TUBGCP3: variants seen among roughly 807,000 people sequenced by gnomAD.
TUBGCP3 encodes tubulin gamma complex component 3.
In TUBGCP3, 50 loss-of-function variants were observed where a neutral mutation model predicts 123.1. The ratio of observed to expected loss-of-function variants is 0.41; its 90% confidence interval spans 0.32 to 0.51. The LOEUF (loss-of-function observed/expected upper bound fraction) is 0.51, where lower values mean the gene tolerates loss of function less well. TUBGCP3 is among the 20% of genes least tolerant of loss of function. The probability of loss-of-function intolerance (pLI) is 0.36; values close to 1 mark genes in which losing one functional copy is unlikely to be tolerated. For synonymous variants in TUBGCP3, 405 were observed against 413.9 expected, an observed-to-expected ratio of 0.98 and a Z score of 0.26; for missense variants, 882 against 1,127.0, an observed-to-expected ratio of 0.78 and a Z score of 3.11.
intron 5 of TUBGCP3, among the ~76,000 whole-genome samples, chr13:112,557,002 G>C (rs989348612): frequency 5.3e-5 from 8 of 151,900 alleles, no homozygotes; most frequent in African/African-American, 1.9e-4. Context: ...ATACTGGGGG[G>C]GTTTATCCAT....
the TUBGCP3 span, among the ~76,000 whole-genome samples, chr13:112,598,945 CAAA>C: frequency 2.8e-5 from 2 of 71,610 alleles, no homozygotes; most frequent in African/African-American, 6.0e-5. Flanking sequence ...GACTCCGTCT[CAAA>C]AAAAAAAAAA....
chr13:112,534,495 C>G (rs1305753758), intron 11 of TUBGCP3, among the ~76,000 whole-genome samples: 1 of 152,044 alleles, frequency 6.6e-6, no homozygotes, highest in Non-Finnish European at 1.5e-5. Flanking sequence ...TGCAGTGAGT[C>G]GAGATCGCAC....
At chr13:112,537,096 A>T in intron 11 of TUBGCP3, among the ~76,000 whole-genome samples, 2 of 140,490 alleles carry the variant, frequency 1.4e-5, no homozygotes, top group East Asian at 2.1e-4. Flanking sequence ...TTCTTTTCCA[A>T]TCTGGCTATC....
rs563261746 is a variant in TUBGCP3 at position 112,502,636 on chromosome 13, C to T, written c.2307+1396G>A. ...TCTTGGCTCACTGCAAGCTCCGCCT[C>T]CCGGGTTCACGCCATTCTCCTGCCT... On this transcript the variant is annotated intron_variant, in intron 19 of 21. Transcript: ENST00000261965. Among the ~76,000 whole-genome samples, 3 of 150,860 alleles carry T rather than the reference C, an allele frequency of 2.0e-5. No individual in the cohort carries two copies. The East Asian group carries it at 5.9e-4, about 29-fold the overall frequency.
chr13:112,581,274 G>A (rs1048587063), intron 1 of TUBGCP3, among the ~76,000 whole-genome samples: 6 of 152,218 alleles, frequency 3.9e-5, no homozygotes, highest in Non-Finnish European at 8.8e-5. Context: ...TGCCTGCATA[G>A]TGGGGAAAGG....
chr13:112,526,032 T>C (rs1371681926), intron 13 of TUBGCP3, among the ~76,000 whole-genome samples: 1 of 152,130 alleles, frequency 6.6e-6, no homozygotes, highest in Non-Finnish European at 1.5e-5. Context: ...ATCTGTAATA[T>C]CAGCACATCA....
At chr13:112,505,823 T>C (rs1881261598) in intron 17 of TUBGCP3, among the ~76,000 whole-genome samples, 1 of 152,174 alleles carries the variant, frequency 6.6e-6, no homozygotes, top group Non-Finnish European at 1.5e-5. Flanking sequence ...AGCATCGCCA[T>C]CCGACCCTGG....
chr13:112,506,354 A>G (rs1176428979), intron 17 of TUBGCP3, among the ~76,000 whole-genome samples: 2 of 152,220 alleles, frequency 1.3e-5, no homozygotes, highest in African/African-American at 4.8e-5. Flanking sequence ...AATGGCTATG[A>G]CTGATGTATC....
intron 20 of TUBGCP3, among the ~76,000 whole-genome samples, chr13:112,495,152 G>C (rs1338221592): frequency 6.6e-6 from 1 of 152,162 alleles, no homozygotes; most frequent in Admixed American, 6.5e-5. Context: ...CAATGTCCTA[G>C]AGTTTCCCCC....
intron 11 of TUBGCP3, among the ~76,000 whole-genome samples, chr13:112,544,177 GGC>G (rs1878761098): frequency 2.0e-5 from 3 of 152,320 alleles, no homozygotes; most frequent in Admixed American, 6.5e-5. Flanking sequence ...CCACAGGCCG[GGC>G]GCAGTGGCTC....
intron 17 of TUBGCP3, among the ~76,000 whole-genome samples, chr13:112,505,020 G>A (rs1881197795): frequency 6.6e-6 from 1 of 152,104 alleles, no homozygotes. Context: ...TAATAACGCA[G>A]TGCACTGAAT....
At chr13:112,592,480 G>A (rs893395398), upstream of TUBGCP3, among the ~76,000 whole-genome samples, 1 of 152,160 alleles carries the variant, frequency 6.6e-6, no homozygotes, top group Non-Finnish European at 1.5e-5. This position sits in a 1 kb window ranked among gnomAD's most constrained non-coding sequence, Gnocchi z 4.1. Flanking sequence ...CACGGCACTG[G>A]GTGAAGGTTA....
intron 13 of TUBGCP3, among the ~76,000 whole-genome samples, chr13:112,525,838 C>G (rs1438711446): frequency 5.9e-5 from 9 of 152,214 alleles, no homozygotes; most frequent in African/African-American, 2.2e-4. Context: ...TTTTGGCACA[C>G]TGCCACTTTA....
In TUBGCP3 at chr13:112,522,518, A is replaced by G. The variant is rs1417841349; in HGVS notation, c.1556-9T>C. On this transcript the variant is annotated splice_polypyrimidine_tract_variant and intron_variant, in intron 13 of 21. Coordinates refer to ENST00000261965, the MANE Select transcript of TUBGCP3 (RefSeq NM_006322.6). ...TGTGAATAGGTCTGCAGCTGTAAAG[A>G]ACAACAGGGAAGAGCACACATGCAT... 4.4e-6 allele frequency: 7 copies of G among 1,606,604 alleles called. No homozygotes were observed. The South Asian group carries it at 7.7e-5, about 18-fold the overall frequency.
chr13:112,491,813 G>A (rs539227495), intron 20 of TUBGCP3, among the ~76,000 whole-genome samples: 15 of 152,290 alleles, frequency 9.8e-5, no homozygotes, highest in South Asian at 2.1e-4. Flanking sequence ...AGGTCTGCCC[G>A]GATAATGACC....
intron 20 of TUBGCP3, chr13:112,498,834 A>G: frequency 6.3e-7 from 1 of 1,580,752 alleles, no homozygotes; most frequent in Non-Finnish European, 8.6e-7. Context: ...GTTTTTATTT[A>G]TTTTGTGAAA....
At chr13:112,498,848 G>A in intron 20 of TUBGCP3, 197 bp downstream of exon 20, 1 of 1,599,152 alleles carries the variant, frequency 6.3e-7, no homozygotes, top group Non-Finnish European at 8.5e-7. Context: ...TGTGAAACAG[G>A]ATGATGATGC....
At chr13:112,555,146 A>G (rs986511080) in intron 6 of TUBGCP3, 141 bp from the exon 7 acceptor site, 7 of 604,224 alleles carry the variant, frequency 1.2e-5, no homozygotes, top group Admixed American at 3.3e-5. Flanking sequence ...CAAGATGAAA[A>G]AGAGTATGAG....
At chr13:112,604,067 T>A in the TUBGCP3 span, 1 of 152,212 alleles carries the variant, frequency 6.6e-6, no homozygotes, top group African/African-American at 2.4e-5. Context: ...TCAAAAAATG[T>A]GTTAATGGTG....
Sources: gnomAD v4.1 joint callset for allele counts (sites outside exome capture counted in the v4.1 genomes callset) on GRCh38, gnomAD v4.1.1 for gene constraint, Gnocchi (gnomAD v3.1) non-coding constraint, MANE v1.5 for transcripts, NCBI Gene and HGNC (gene_info 2026-07-23, HGNC 2026-07-21) for gene names.